Variants in ADAMTSL3 observed in about 807,000 individuals in gnomAD.
ADAMTSL3 encodes the protein ADAMTS like 3.
A neutral mutation model predicts 201.7 loss-of-function variants in ADAMTSL3; 128 were observed. That is an observed-to-expected ratio of 0.63 (90% confidence interval 0.55 to 0.73). ADAMTSL3 has a LOEUF of 0.73. Ranked by LOEUF, ADAMTSL3 falls within the 30% of genes least tolerant of loss-of-function variation. The probability of loss-of-function intolerance (pLI) is 0.00; values close to 1 mark genes in which losing one functional copy is unlikely to be tolerated. For missense variants in ADAMTSL3, 1,990 were observed against 2,119.6 expected (o/e 0.94, Z 1.20); for synonymous variants, 738 against 748.4 (o/e 0.99, Z 0.23).
Position 83,662,476 on chromosome 15 carries a change from C to G in ADAMTSL3, c.69+6646C>G, listed in dbSNP as rs867229996. 2.7e-5 allele frequency among the ~76,000 whole-genome samples: 4 copies of G among 146,608 alleles called. No homozygotes were observed. In the East Asian group the frequency reaches 8.1e-4, roughly 30 times the overall value. On this transcript the variant is annotated intron_variant, in intron 2 of 29. Transcript: ENST00000286744. Reference sequence around the variant, plus strand: ...GGGAGATATACCTAATGCTAGATGACGAGTTAGTGGGTTCAGCGCACCAGC... The same window carrying G: ...GGGAGATATACCTAATGCTAGATGAGGAGTTAGTGGGTTCAGCGCACCAGC...
chr15:83,864,194 G>A (rs1392123857), intron 8 of ADAMTSL3, among the ~76,000 whole-genome samples: 1 of 152,148 alleles, frequency 6.6e-6, no homozygotes. Flanking sequence ...ACAAGGAGGA[G>A]CTGGTACCAT....
At chr15:83,925,328 C>T (rs777388691) in intron 17 of ADAMTSL3, among the ~76,000 whole-genome samples, 11 of 152,120 alleles carry the variant, frequency 7.2e-5, no homozygotes, top group Non-Finnish European at 1.3e-4. Context: ...CCATATTTCT[C>T]GCTTCCATTG....
At position 83,957,129 on chromosome 15, in the gene ADAMTSL3, G is replaced by A. The variant is rs546517003; in HGVS notation, c.2491-13355G>A. 2.6e-5 allele frequency among the ~76,000 whole-genome samples: 4 copies of A among 152,292 alleles called. No individual in the cohort carries two copies. The South Asian group carries it at 6.2e-4, about 24-fold the overall frequency. ...GCATAAGATGCAGCTTTGGAGTTGC[G>A]TCTTAAGAGATGAGTGCAAACTGTG... On this transcript the variant is annotated intron_variant, in intron 19 of 29. Transcript: ENST00000286744.
chr15:83,786,627 T>C (rs1212325073), intron 4 of ADAMTSL3, among the ~76,000 whole-genome samples: 1 of 152,186 alleles, frequency 6.6e-6, no homozygotes, highest in Non-Finnish European at 1.5e-5. Context: ...TACCTAATAT[T>C]CTTTCCTTCG....
At chr15:83,941,040 A>G (rs1477786530) in intron 17 of ADAMTSL3, among the ~76,000 whole-genome samples, 4 of 151,966 alleles carry the variant, frequency 2.6e-5, no homozygotes, top group Non-Finnish European at 5.9e-5. Context: ...TAATATGCCA[A>G]GGGTTTAGCA....
intron 3 of ADAMTSL3, among the ~76,000 whole-genome samples, chr15:83,752,374 C>G (rs1261108147): frequency 1.3e-5 from 2 of 152,076 alleles, no homozygotes; most frequent in East Asian, 3.8e-4. Flanking sequence ...AAATCCCATA[C>G]TGGATATTAC....
At chr15:83,841,739 C>G (rs968190259) in intron 7 of ADAMTSL3, among the ~76,000 whole-genome samples, 1 of 151,862 alleles carries the variant, frequency 6.6e-6, no homozygotes, top group African/African-American at 2.4e-5. Flanking sequence ...TGGGTGAGGA[C>G]AGGGACTCTG....
chr15:83,816,775 G>A (rs944320267), intron 5 of ADAMTSL3, among the ~76,000 whole-genome samples: 2 of 152,200 alleles, frequency 1.3e-5, no homozygotes, highest in East Asian at 3.9e-4. Flanking sequence ...GGAGGCCAAG[G>A]CAGGCAGATT....
chr15:83,907,097 G>GAA (rs765994439), intron 15 of ADAMTSL3, among the ~76,000 whole-genome samples: 3 of 74,258 alleles, frequency 4.0e-5, no homozygotes, highest in African/African-American at 6.8e-5. Context: ...CTGTCTCTGG[G>GAA]AAAAAAAAAA....
Position 83,804,669 on chromosome 15 carries a change from A to G in ADAMTSL3, c.337A>G (p.Ile113Val), listed in dbSNP as rs1280103589. The change falls in exon 5 of 30, where the codon ATT becomes GTT. Residue 113 changes from isoleucine to valine, a missense_variant. Ile to Val is a conservative substitution (Grantham distance 29). Coordinates refer to ENST00000286744, the MANE Select transcript of ADAMTSL3 (RefSeq NM_207517.3). ...CTTTAGGAATTGTGAAGGGCAGAACATTCGGTACAAGACATGCAGCAATCA... is the reference window on the plus strand; with the variant it reads ...CTTTAGGAATTGTGAAGGGCAGAACGTTCGGTACAAGACATGCAGCAATCA... ...LTGRNCEGQN[I>V]RYKTCSNHDC... The G allele has an allele frequency of 6.3e-7, 1 of 1,586,952 alleles. No individual in the cohort carries two copies. Among genetic ancestry groups the G allele is most frequent in the Admixed American group, 1.8e-5 (1 of 55,776 alleles).
chr15:83,786,561 CTA>C lies in ADAMTSL3; in HGVS notation c.317+12913_317+12914del, dbSNP rs1341072306. Among the ~76,000 whole-genome samples the C allele has an allele frequency of 2.0e-5, 3 of 152,122 alleles. No homozygotes were observed. The South Asian group carries it at 6.2e-4, about 32-fold the overall frequency. On this transcript the variant is annotated intron_variant, in intron 4 of 29. Transcript: ENST00000286744. Reference sequence around the variant, plus strand: ...ACTAGATCTTATTCATTCTATTGAACTATGTTTTTGTACCCAACCTAGTGACG... The same window carrying C: ...ACTAGATCTTATTCATTCTATTGAACTGTTTTTGTACCCAACCTAGTGACG...
At chr15:83,762,849 A>G (rs2141710011) in intron 3 of ADAMTSL3, among the ~76,000 whole-genome samples, 1 of 151,646 alleles carries the variant, frequency 6.6e-6, no homozygotes, top group South Asian at 2.1e-4. Context: ...ACTGTGAAGA[A>G]TCTTATATCA....
At chr15:83,826,236 C>T (rs2064018994) in intron 6 of ADAMTSL3, among the ~76,000 whole-genome samples, 2 of 152,152 alleles carry the variant, frequency 1.3e-5, no homozygotes, top group South Asian at 2.1e-4. Flanking sequence ...CTGCACTCCA[C>T]CCCTAAGTAG....
intron 6 of ADAMTSL3, among the ~76,000 whole-genome samples, chr15:83,837,155 AATT>A (rs1408032324): frequency 2.6e-5 from 4 of 152,156 alleles, no homozygotes; most frequent in Admixed American, 1.3e-4. Flanking sequence ...CTCTCCTTTT[AATT>A]ATTTTTTATA....
intron 2 of ADAMTSL3, among the ~76,000 whole-genome samples, chr15:83,694,928 G>A (rs1283712035): frequency 6.6e-6 from 1 of 152,168 alleles, no homozygotes; most frequent in Non-Finnish European, 1.5e-5. Flanking sequence ...CTCCTTTTGG[G>A]GAACTGAAAG....
chr15:84,012,876 T>A (rs902553178), intron 23 of ADAMTSL3, among the ~76,000 whole-genome samples: 1 of 152,234 alleles, frequency 6.6e-6, no homozygotes, highest in African/African-American at 2.4e-5. Context: ...TTCCTACTCT[T>A]CTTTCAGATT....
At chr15:83,924,531 G>A (rs1182038238) in intron 17 of ADAMTSL3, among the ~76,000 whole-genome samples, 3 of 152,128 alleles carry the variant, frequency 2.0e-5, no homozygotes, top group Non-Finnish European at 4.4e-5. Flanking sequence ...AGATTGTGGG[G>A]TATAATATTA....
chr15:83,756,611 A>G (rs1157638666), intron 3 of ADAMTSL3, among the ~76,000 whole-genome samples: 3 of 112,712 alleles, frequency 2.7e-5, no homozygotes, highest in Non-Finnish European at 6.3e-5. Flanking sequence ...CCCCCCCCCA[A>G]ATCTCATGTC....
chr15:83,691,075 C>A (rs1045764853), intron 2 of ADAMTSL3, among the ~76,000 whole-genome samples: 1 of 152,070 alleles, frequency 6.6e-6, no homozygotes, highest in Admixed American at 6.6e-5. Context: ...CTCTTTGAGT[C>A]GGTGAAGGGG....
Sources: allele counts gnomAD v4.1 joint callset (sites outside exome capture counted in the v4.1 genomes callset), GRCh38; gene constraint gnomAD v4.1.1; transcripts MANE v1.5; gene names NCBI Gene and HGNC (gene_info 2026-07-23, HGNC 2026-07-21).